The following CEP112 variants were observed in gnomAD, a reference collection of about 807,000 sequenced individuals.
CEP112 encodes the protein centrosomal protein 112, also known as centrosomal protein of 112 kDa.
CEP112 carries 127 observed loss-of-function variants against 153.0 expected under a neutral mutation model. That is an observed-to-expected ratio of 0.83 (90% confidence interval 0.72 to 0.96). The LOEUF (loss-of-function observed/expected upper bound fraction) is 0.96, where lower values mean the gene tolerates loss of function less well. Ranked by LOEUF, CEP112 falls within the 40% of genes least tolerant of loss-of-function variation. The pLI, the probability that CEP112 is intolerant of heterozygous loss-of-function variation, is 0.00. For missense variants in CEP112, 1,089 were observed against 1,101.2 expected (o/e 0.99, Z 0.16); for synonymous variants, 358 against 374.4 (o/e 0.96, Z 0.51).
chr17:65,894,881 T>C (rs1284590955), intron 20 of CEP112, among the ~76,000 whole-genome samples: 1 of 152,120 alleles, frequency 6.6e-6, no homozygotes, highest in African/African-American at 2.4e-5. Flanking sequence ...CATATCTCTT[T>C]AGAGTTTAAT....
chr17:66,083,357 C>A (rs2067797060), intron 8 of CEP112, among the ~76,000 whole-genome samples: 1 of 152,072 alleles, frequency 6.6e-6, no homozygotes. Flanking sequence ...AACTGTGAGT[C>A]CATTAAACCT....
intron 22 of CEP112, among the ~76,000 whole-genome samples, chr17:65,747,913 A>C (rs1028812730): frequency 6.6e-6 from 1 of 152,240 alleles, no homozygotes; most frequent in African/African-American, 2.4e-5. Flanking sequence ...TGAGGTACCA[A>C]CACATTCATT....
chr17:66,057,893 T>C (rs2066761650), intron 11 of CEP112, among the ~76,000 whole-genome samples: 1 of 151,600 alleles, frequency 6.6e-6, no homozygotes, highest in African/African-American at 2.4e-5. Flanking sequence ...AGGAGTTCGA[T>C]ACCAGCCTGG....
At chr17:65,749,858 G>GTA (rs148500615) in intron 22 of CEP112, among the ~76,000 whole-genome samples, 2,731 of 148,678 alleles carry the variant, frequency 0.018, 91 homozygotes, top group African/African-American at 0.064. Context: ...AAATACCACT[G>GTA]TATATATATA....
At chr17:66,155,396 C>T (rs1279319167) in intron 4 of CEP112, among the ~76,000 whole-genome samples, 2 of 152,128 alleles carry the variant, frequency 1.3e-5, no homozygotes, top group African/African-American at 2.4e-5. Flanking sequence ...TCACAACCCA[C>T]AGACCAGGAG....
In CEP112 at chr17:65,750,739, T is replaced by C; in HGVS notation, c.2395-15A>G. On this transcript the variant is annotated splice_polypyrimidine_tract_variant and intron_variant, in intron 21 of 26. Transcript: ENST00000535342. ...TTGCTGTTGGCCTGAAAAACACATGTACATGAACACATACACAGTGACCTG... is the reference window on the plus strand; with the variant it reads ...TTGCTGTTGGCCTGAAAAACACATGCACATGAACACATACACAGTGACCTG... 1.2e-6 allele frequency: 2 copies of C among 1,612,536 alleles called. No homozygotes were observed. The highest frequency in any genetic ancestry group is 8.5e-7 in the Non-Finnish European group (1 of 1,178,580).
At chr17:65,989,652 C>T (rs1596327) in intron 17 of CEP112, among the ~76,000 whole-genome samples, 151,676 of 152,270 alleles carry the variant, frequency 1, 75,543 homozygotes, top group Middle Eastern at 1. Flanking sequence ...AAAATACTAA[C>T]GGGCAAAAAG....
At chr17:65,729,276 A>T (rs1419441796) in intron 23 of CEP112, among the ~76,000 whole-genome samples, 1 of 152,154 alleles carries the variant, frequency 6.6e-6, no homozygotes, top group Non-Finnish European at 1.5e-5. Context: ...TTTTCTCATC[A>T]TTTATTTCAT....
At chr17:65,811,731 A>G (rs897960106) in intron 21 of CEP112, among the ~76,000 whole-genome samples, 2 of 152,232 alleles carry the variant, frequency 1.3e-5, no homozygotes, top group Admixed American at 6.5e-5. Context: ...GTGTGAAGCA[A>G]TATCTAAATT....
At chr17:66,059,467 C>G (rs1279752706) in intron 11 of CEP112, among the ~76,000 whole-genome samples, 2 of 151,870 alleles carry the variant, frequency 1.3e-5, no homozygotes, top group Non-Finnish European at 2.9e-5. Context: ...AACAAATAAC[C>G]CCATTAAAAA....
intron 21 of CEP112, among the ~76,000 whole-genome samples, chr17:65,791,450 C>T (rs2054587882): frequency 6.6e-6 from 1 of 152,128 alleles, no homozygotes; most frequent in Non-Finnish European, 1.5e-5. Flanking sequence ...ACTGTTCTAG[C>T]TAATGAGGAC....
chr17:65,922,933 C>T (rs1187942944), intron 19 of CEP112, among the ~76,000 whole-genome samples: 1 of 152,122 alleles, frequency 6.6e-6, no homozygotes, highest in Non-Finnish European at 1.5e-5. Context: ...ATTCCAGCCT[C>T]CAATTCTTCA....
chr17:65,991,072 G>C (rs908337947), intron 17 of CEP112, among the ~76,000 whole-genome samples: 2 of 152,128 alleles, frequency 1.3e-5, no homozygotes, highest in African/African-American at 4.8e-5. Context: ...ACTCTGGATA[G>C]GTTCATTTTA....
chr17:65,854,297 T>C (rs2058059029), intron 20 of CEP112, among the ~76,000 whole-genome samples: 1 of 152,218 alleles, frequency 6.6e-6, no homozygotes. Context: ...AATTATTTCA[T>C]TTTCAATATA....
chr17:65,943,881 T>C (rs12946940), intron 18 of CEP112, among the ~76,000 whole-genome samples: 66,973 of 152,046 alleles, frequency 0.44, 15,773 homozygotes, highest in East Asian at 0.87. Context: ...TTACATAATC[T>C]GATAGTTCTC....
chr17:65,939,197 G>A (rs1765235649), intron 18 of CEP112, among the ~76,000 whole-genome samples: 1 of 152,042 alleles, frequency 6.6e-6, no homozygotes, highest in African/African-American at 2.4e-5. Flanking sequence ...GGCAAAAGAT[G>A]TATACATTGA....
chr17:66,183,743 G>A (rs117750015), intron 1 of CEP112, among the ~76,000 whole-genome samples: 5,189 of 151,800 alleles, frequency 0.034, 132 homozygotes, highest in Middle Eastern at 0.061. Context: ...TACAACAAAT[G>A]ATGTCATAAC....
At chr17:66,116,075 G>A (rs779791849) in intron 6 of CEP112, among the ~76,000 whole-genome samples, 9 of 152,276 alleles carry the variant, frequency 5.9e-5, no homozygotes, top group East Asian at 3.9e-4. Flanking sequence ...ACCCAGCAGA[G>A]GGTTAGAAAA....
intron 8 of CEP112, among the ~76,000 whole-genome samples, chr17:66,091,968 C>T (rs148682217): frequency 6.6e-6 from 1 of 151,156 alleles, no homozygotes; most frequent in East Asian, 1.9e-4. Flanking sequence ...CGTATGATGA[C>T]TGAATCATGA....
Sources: gnomAD v4.1 joint callset for allele counts (sites outside exome capture counted in the v4.1 genomes callset) on GRCh38, gnomAD v4.1.1 for gene constraint, MANE v1.5 for transcripts, NCBI Gene and HGNC (gene_info 2026-07-23, HGNC 2026-07-21) for gene names.